EPHB1: variants seen among roughly 807,000 people sequenced by gnomAD.
The protein encoded by EPHB1 is EPH receptor B1.
A neutral mutation model predicts 94.4 loss-of-function variants in EPHB1; 30 were observed. The observed-to-expected ratio is 0.32, with a 90% confidence interval of 0.24 to 0.43. The LOEUF (loss-of-function observed/expected upper bound fraction) is 0.43. EPHB1 is among the 20% of genes least tolerant of loss of function. The probability of loss-of-function intolerance (pLI) is 1.00; values close to 1 mark genes in which losing one functional copy is unlikely to be tolerated. For synonymous variants in EPHB1, 522 were observed against 489.1 expected (o/e 1.07, Z -0.89); for missense variants, 1,055 against 1,308.3 (o/e 0.81, Z 2.99).
chr3:134,903,298 A>G (rs969522891), intron 1 of EPHB1, among the ~76,000 whole-genome samples: 4 of 152,212 alleles, frequency 2.6e-5, no homozygotes, highest in African/African-American at 9.6e-5. Flanking sequence ...GGGCTCCTGC[A>G]TTCCAGGCAT....
chr3:135,069,772 A>G (rs1202439108), intron 3 of EPHB1, among the ~76,000 whole-genome samples: 1 of 152,124 alleles, frequency 6.6e-6, no homozygotes, highest in Non-Finnish European at 1.5e-5. Flanking sequence ...CTTGACATCA[A>G]TAACCTTGTG....
At chr3:135,243,137 C>T (rs1943834502) in intron 13 of EPHB1, among the ~76,000 whole-genome samples, 1 of 151,488 alleles carries the variant, frequency 6.6e-6, no homozygotes, top group Non-Finnish European at 1.5e-5. Context: ...TTATCCTGCC[C>T]AAGACCTTAA....
intron 1 of EPHB1, among the ~76,000 whole-genome samples, chr3:134,850,094 A>G (rs1316158594): frequency 6.6e-6 from 1 of 152,170 alleles, no homozygotes; most frequent in Non-Finnish European, 1.5e-5. Flanking sequence ...CAGGGAAGAC[A>G]GGGCTGCAGA....
intron 10 of EPHB1, among the ~76,000 whole-genome samples, chr3:135,190,249 C>G (rs1383004816): frequency 6.6e-6 from 1 of 152,204 alleles, no homozygotes; most frequent in African/African-American, 2.4e-5. Flanking sequence ...TAGCACAGTT[C>G]CTGGCACATA....
intron 1 of EPHB1, among the ~76,000 whole-genome samples, chr3:134,836,233 C>G (rs1288857555): frequency 3.3e-5 from 5 of 152,150 alleles, no homozygotes; most frequent in Non-Finnish European, 2.9e-5. Context: ...GATTTGACAG[C>G]AACAGTCAAT....
chr3:135,257,704 T>A (rs1933464720), intron 15 of EPHB1, among the ~76,000 whole-genome samples: 1 of 137,928 alleles, frequency 7.3e-6, no homozygotes, highest in Non-Finnish European at 1.6e-5. Context: ...AGGTGGAGCC[T>A]ACAGAGGCAG....
Position 134,867,712 on chromosome 3 carries a change from C to G in EPHB1, c.59-58104C>G, listed in dbSNP as rs191150927. The stretch of plus-strand genomic sequence containing the variant: ...AGTTCAAGATTGTATTCCAATTTGA[C>G]TTATGATGGGGATGGAGGTTCCCAT... On this transcript the variant is annotated intron_variant, in intron 1 of 15. Transcript: ENST00000398015. Among the ~76,000 whole-genome samples, 5 of 152,286 alleles carry G rather than the reference C, an allele frequency of 3.3e-5. No homozygotes were observed. In the East Asian group the frequency reaches 5.8e-4, roughly 18 times the overall value.
chr3:135,209,890 G>C (rs1217416106), intron 12 of EPHB1, among the ~76,000 whole-genome samples: 2 of 152,176 alleles, frequency 1.3e-5, no homozygotes, highest in Admixed American at 1.3e-4. Flanking sequence ...AATGGGCCTG[G>C]GATGCAGCAA....
At chr3:134,865,073 T>A (rs1394067395) in intron 1 of EPHB1, among the ~76,000 whole-genome samples, 1 of 152,092 alleles carries the variant, frequency 6.6e-6, no homozygotes, top group Admixed American at 6.6e-5. Context: ...AACATACGTG[T>A]GTGTGTGTGT....
At chr3:135,014,073 A>G (rs1052410148) in intron 3 of EPHB1, among the ~76,000 whole-genome samples, 2 of 152,136 alleles carry the variant, frequency 1.3e-5, no homozygotes, top group Non-Finnish European at 2.9e-5. Flanking sequence ...CTGCCCTGTG[A>G]GAGTGCCAGG....
At position 134,812,520 on chromosome 3, in the gene EPHB1, G is replaced by A. The variant is rs2036197030; in HGVS notation, c.58+16831G>A. On this transcript the variant is annotated intron_variant, in intron 1 of 15. Transcript: ENST00000398015. The stretch of plus-strand genomic sequence containing the variant: ...TTGGTTTATCCATTTCACAGTTGGT[G>A]GACATTTGCTTATAGTTTTTGGCTT... Among the ~76,000 whole-genome samples, 3 of 152,140 alleles carry A rather than the reference G, an allele frequency of 2.0e-5. No individual in the cohort carries two copies. In the South Asian group the frequency reaches 6.2e-4, roughly 31 times the overall value.
chr3:135,018,287 T>C (rs116162417), intron 3 of EPHB1, among the ~76,000 whole-genome samples: 332 of 152,248 alleles, frequency 2.2e-3, no homozygotes, highest in African/African-American at 7.4e-3. Flanking sequence ...GAAGGCCTTT[T>C]GGCTACTATG....
At chr3:135,015,178 G>A (rs1454416387) in intron 3 of EPHB1, among the ~76,000 whole-genome samples, 2 of 151,944 alleles carry the variant, frequency 1.3e-5, no homozygotes, top group Admixed American at 1.3e-4. Flanking sequence ...CCTTCTGTGG[G>A]CCGGACTGCC....
intron 4 of EPHB1, among the ~76,000 whole-genome samples, chr3:135,115,647 T>C (rs577144851): frequency 1.3e-5 from 2 of 152,166 alleles, no homozygotes; most frequent in Admixed American, 1.3e-4. Context: ...GTAAGAGCCC[T>C]ACTGTGGAAT....
intron 6 of EPHB1, among the ~76,000 whole-genome samples, chr3:135,155,075 G>A (rs1201688862): frequency 6.6e-6 from 1 of 152,182 alleles, no homozygotes; most frequent in African/African-American, 2.4e-5. Context: ...TGATCAAGGA[G>A]ACAAAGATTC....
intron 13 of EPHB1, among the ~76,000 whole-genome samples, chr3:135,241,673 G>A (rs1206766235): frequency 6.6e-6 from 1 of 152,228 alleles, no homozygotes; most frequent in Non-Finnish European, 1.5e-5. Context: ...CAGAGGGGAA[G>A]GAGGCACTGG....
intron 13 of EPHB1, among the ~76,000 whole-genome samples, chr3:135,243,563 G>A (rs1350768219): frequency 6.6e-6 from 1 of 152,234 alleles, no homozygotes; most frequent in East Asian, 1.9e-4. Flanking sequence ...GAGGCAAGAG[G>A]TGACTTCATG....
chr3:135,187,891 T>A (rs1040464085), intron 10 of EPHB1, among the ~76,000 whole-genome samples: 1 of 152,150 alleles, frequency 6.6e-6, no homozygotes, highest in Non-Finnish European at 1.5e-5. Flanking sequence ...CCCAACTACC[T>A]ACTTCTGTTT....
chr3:134,893,442 C>T (rs1578176143), intron 1 of EPHB1, among the ~76,000 whole-genome samples: 1 of 152,178 alleles, frequency 6.6e-6, no homozygotes, highest in East Asian at 1.9e-4. Flanking sequence ...AAGGTCCAGC[C>T]TGCCTGATCT....
Sources: gnomAD v4.1 joint callset for allele counts (sites outside exome capture counted in the v4.1 genomes callset) on GRCh38, gnomAD v4.1.1 for gene constraint, MANE v1.5 for transcripts, NCBI Gene and HGNC (gene_info 2026-07-23, HGNC 2026-07-21) for gene names.